Variants in ADGRL3 observed in about 807,000 individuals in gnomAD.
The protein encoded by ADGRL3 is calcium-independent alpha-latrotoxin receptor 3.
Under a neutral mutation model 153.5 loss-of-function variants are expected in ADGRL3, and 62 were observed. That is an observed-to-expected ratio of 0.40 (90% CI 0.33 to 0.50). ADGRL3 has a LOEUF of 0.50. Among genes scored for constraint, ADGRL3 ranks in the 20% least tolerant of loss-of-function variants. The pLI is 0.47. For synonymous variants in ADGRL3, 710 were observed against 672.5 expected, an observed-to-expected ratio of 1.06 and a Z score of -0.86; for missense variants, 1,641 against 1,859.4, an observed-to-expected ratio of 0.88 and a Z score of 2.16.
chr4:61,932,016 TAC>T (rs890075591), intron 13 of ADGRL3, among the ~76,000 whole-genome samples: 12 of 151,996 alleles, frequency 7.9e-5, no homozygotes, highest in African/African-American at 2.7e-4. Context: ...TTTACACACG[TAC>T]ACACACATAT....
chr4:61,538,539 A>C (rs1222009400), intron 4 of ADGRL3, among the ~76,000 whole-genome samples: 1 of 152,142 alleles, frequency 6.6e-6, no homozygotes, highest in Admixed American at 6.5e-5. Flanking sequence ...TCCCAGCTTC[A>C]AGCGATTCTC....
At chr4:61,376,326 TCA>T (rs869277355) in intron 1 of ADGRL3, among the ~76,000 whole-genome samples, 1 of 94,348 alleles carries the variant, frequency 1.1e-5, no homozygotes. Flanking sequence ...ATACCACTTG[TCA>T]TGTGTAATTA....
chr4:61,303,786 TA>T (rs2094669464), intron 1 of ADGRL3, among the ~76,000 whole-genome samples: 1 of 152,148 alleles, frequency 6.6e-6, no homozygotes, highest in Non-Finnish European at 1.5e-5. Flanking sequence ...GACTCTCTAG[TA>T]CAGTTTGATT....
intron 5 of ADGRL3, among the ~76,000 whole-genome samples, chr4:61,605,127 A>C (rs1434680421): frequency 1.7e-4 from 25 of 150,982 alleles, no homozygotes; most frequent in Middle Eastern, 3.4e-3. Flanking sequence ...GAAGGAAAAA[A>C]AAAACTAAAA....
intron 25 of ADGRL3, among the ~76,000 whole-genome samples, chr4:62,057,768 C>T (rs1737849583): frequency 6.6e-6 from 1 of 152,146 alleles, no homozygotes; most frequent in African/African-American, 2.4e-5. Context: ...ACCTCTGCCT[C>T]CCAGGCTCAG....
At chr4:61,366,559 G>C (rs748076163) in intron 1 of ADGRL3, among the ~76,000 whole-genome samples, 152 of 152,188 alleles carry the variant, frequency 1.0e-3, no homozygotes, top group Non-Finnish European at 2.0e-3. Flanking sequence ...ATGCTTTTAA[G>C]TAGTTGTGGA....
chr4:62,002,442 A>G lies in ADGRL3; in HGVS notation c.3395+4177A>G, dbSNP rs187297090. 1.7e-3 allele frequency among the ~76,000 whole-genome samples: 252 copies of G among 151,520 alleles called. 1 individual carries two copies. Among genetic ancestry groups the G allele is most frequent in the Non-Finnish European group, 3.0e-3 (204 of 67,922 alleles). Reference sequence around the variant, plus strand: ...ATTAAATTATTATTTTATTATCTTAAAAATTAACTTTTTAAAATTCTAAAT... The same window carrying G: ...ATTAAATTATTATTTTATTATCTTAGAAATTAACTTTTTAAAATTCTAAAT... On this transcript the variant is annotated intron_variant, in intron 21 of 26. Transcript: ENST00000683033.
At chr4:61,579,501 C>T (rs2098914129) in intron 4 of ADGRL3, 2 of 424,674 alleles carry the variant, frequency 4.7e-6, no homozygotes, top group Non-Finnish European at 4.6e-6. Context: ...ATATGAAATG[C>T]ATTTATTCAC....
intron 5 of ADGRL3, among the ~76,000 whole-genome samples, chr4:61,669,003 G>A (rs761457870): frequency 1.1e-4 from 17 of 152,008 alleles, no homozygotes; most frequent in Non-Finnish European, 2.1e-4. Context: ...TGGACAATGC[G>A]GTGAGACCCT....
intron 9 of ADGRL3, among the ~76,000 whole-genome samples, chr4:61,843,278 GTCCACCAATA>G (rs1316789313): frequency 6.6e-6 from 1 of 152,132 alleles, no homozygotes; most frequent in Non-Finnish European, 1.5e-5. Flanking sequence ...GGCTGATAAT[GTCCACCAATA>G]TACTTTCCCT....
chr4:61,460,020 G>A (rs2097791898), intron 2 of ADGRL3, among the ~76,000 whole-genome samples: 1 of 152,004 alleles, frequency 6.6e-6, no homozygotes, highest in Non-Finnish European at 1.5e-5. Context: ...CTCCCATTCT[G>A]CAGGTTATCT....
chr4:61,530,903 T>C (rs2152955067), intron 4 of ADGRL3, among the ~76,000 whole-genome samples: 1 of 152,280 alleles, frequency 6.6e-6, no homozygotes, highest in East Asian at 1.9e-4. Flanking sequence ...TTAATTATGG[T>C]TATGTGTATG....
intron 1 of ADGRL3, among the ~76,000 whole-genome samples, chr4:61,323,845 A>G (rs146807468): frequency 0.12 from 18,444 of 152,208 alleles, 1,355 homozygotes; most frequent in South Asian, 0.27. Flanking sequence ...ATTTTCAGGT[A>G]TCTTTTCAGC....
chr4:61,673,872 ACTG>A (rs1437207991), intron 5 of ADGRL3, among the ~76,000 whole-genome samples: 3 of 151,202 alleles, frequency 2.0e-5, no homozygotes, highest in Non-Finnish European at 4.4e-5. Flanking sequence ...GTTATAAATT[ACTG>A]CTGTTTTATA....
chr4:61,264,360 A>G (rs1170453120), intron 1 of ADGRL3, among the ~76,000 whole-genome samples: 1 of 152,014 alleles, frequency 6.6e-6, no homozygotes, highest in Non-Finnish European at 1.5e-5. Context: ...CCACAATTGG[A>G]ACCCCAAATC....
intron 2 of ADGRL3, among the ~76,000 whole-genome samples, chr4:61,458,911 T>G (rs980881851): frequency 2.0e-5 from 3 of 151,510 alleles, no homozygotes; most frequent in Non-Finnish European, 4.4e-5. Context: ...TACCACATTT[T>G]TCTATAAAGC....
chr4:61,882,552 C>A (rs538720670), intron 9 of ADGRL3, among the ~76,000 whole-genome samples: 1 of 152,246 alleles, frequency 6.6e-6, no homozygotes, highest in African/African-American at 2.4e-5. Flanking sequence ...GCTTCCCACA[C>A]CACCCAGAGT....
At chr4:61,583,704 T>C in intron 4 of ADGRL3, 1 of 518,580 alleles carries the variant, frequency 1.9e-6, no homozygotes, top group South Asian at 1.4e-5. Context: ...AGTGAGTAGT[T>C]CCAAAGTGTG....
At chr4:61,736,380 G>T (rs141556140) in intron 8 of ADGRL3, among the ~76,000 whole-genome samples, 1 of 152,162 alleles carries the variant, frequency 6.6e-6, no homozygotes, top group African/African-American at 2.4e-5. Context: ...AAGGCTGGGC[G>T]TGGTGGCTCT....
Sources: allele counts gnomAD v4.1 joint callset (sites outside exome capture counted in the v4.1 genomes callset), GRCh38; gene constraint gnomAD v4.1.1; transcripts MANE v1.5; gene names NCBI Gene and HGNC (gene_info 2026-07-23, HGNC 2026-07-21).